Variants in SCAPER observed in about 807,000 individuals in gnomAD.
The protein encoded by SCAPER is S phase cyclin A-associated protein in the endoplasmic reticulum.
In SCAPER, 98 loss-of-function variants were observed where a neutral mutation model predicts 182.2. That is an observed-to-expected ratio of 0.54 (90% CI 0.46 to 0.64). The LOEUF is 0.64. Among genes scored for constraint, SCAPER ranks in the 30% least tolerant of loss-of-function variants. SCAPER has a pLI of 0.00. For synonymous variants in SCAPER, 605 were observed against 564.6 expected (o/e 1.07, Z -1.01); for missense variants, 1,432 against 1,690.0 (o/e 0.85, Z 2.68).
At chr15:76,678,217 G>A (rs2057477220) in intron 20 of SCAPER, among the ~76,000 whole-genome samples, 2 of 151,868 alleles carry the variant, frequency 1.3e-5, no homozygotes, top group African/African-American at 2.4e-5. Flanking sequence ...AAAATTCAAT[G>A]TCTTGCTTAA....
chr15:76,839,890 T>G (rs1354881523), intron 5 of SCAPER, among the ~76,000 whole-genome samples: 1 of 152,196 alleles, frequency 6.6e-6, no homozygotes, highest in Non-Finnish European at 1.5e-5. Context: ...AAAAAGTATA[T>G]ATATTTTTAA....
chr15:76,653,453 A>C (rs970989032), intron 21 of SCAPER, among the ~76,000 whole-genome samples: 10 of 152,188 alleles, frequency 6.6e-5, no homozygotes, highest in African/African-American at 2.4e-4. Context: ...ACACTACCCA[A>C]CTTCAAGCTA....
intron 17 of SCAPER, among the ~76,000 whole-genome samples, chr15:76,728,062 CA>C (rs1337798249): frequency 1.3e-5 from 2 of 152,036 alleles, no homozygotes; most frequent in African/African-American, 4.8e-5. Context: ...AATATCACGT[CA>C]GTAAGGTCAC....
At chr15:76,865,133 T>C (rs1186232581) in intron 2 of SCAPER, among the ~76,000 whole-genome samples, 1 of 152,088 alleles carries the variant, frequency 6.6e-6, no homozygotes, top group Non-Finnish European at 1.5e-5. Flanking sequence ...TTTGACAGTA[T>C]AAAATAAAGT....
chr15:76,583,304 T>A (rs557286483), intron 22 of SCAPER, among the ~76,000 whole-genome samples: 2 of 150,148 alleles, frequency 1.3e-5, no homozygotes, highest in East Asian at 3.9e-4. Flanking sequence ...TGAGTCGAGA[T>A]TGAGCCACTG....
At chr15:76,810,368 A>G (rs1367038145) in intron 5 of SCAPER, among the ~76,000 whole-genome samples, 2 of 152,008 alleles carry the variant, frequency 1.3e-5, no homozygotes, top group Non-Finnish European at 2.9e-5. Flanking sequence ...TGTGGGAGCA[A>G]GAGACATAAA....
At chr15:76,903,612 C>T (rs1030150279) in intron 1 of SCAPER, among the ~76,000 whole-genome samples, 1 of 152,188 alleles carries the variant, frequency 6.6e-6, no homozygotes, top group African/African-American at 2.4e-5. Context: ...TGATCTAGGA[C>T]TTCCCAGCCT....
intron 6 of SCAPER, among the ~76,000 whole-genome samples, chr15:76,801,606 C>T (rs2065798332): frequency 6.6e-6 from 1 of 152,060 alleles, no homozygotes; most frequent in Admixed American, 6.6e-5. Flanking sequence ...AAGAGAAATG[C>T]TGATAACTGG....
At chr15:76,561,827 GTTTT>G (rs34809622) in intron 23 of SCAPER, among the ~76,000 whole-genome samples, 1 of 138,572 alleles carries the variant, frequency 7.2e-6, no homozygotes, top group Non-Finnish European at 1.6e-5. Flanking sequence ...CCTAGTATTA[GTTTT>G]TTTTTTTTTT....
In SCAPER at chr15:76,363,346, C is replaced by T. The variant is rs576502979; in HGVS notation, c.3856-9206G>A. ...ACCACACCAGAGCTCTGGGCCTACC[C>T]ATCCCGGGCCTTCAAGGACTCAGAT... On this transcript the variant is annotated intron_variant, in intron 29 of 31. Coordinates refer to ENST00000563290, the MANE Select transcript of SCAPER (RefSeq NM_020843.4). Among the ~76,000 whole-genome samples the T allele has an allele frequency of 1.4e-4, 21 of 152,328 alleles. No individual in the cohort carries two copies. In the South Asian group the frequency reaches 3.3e-3, roughly 24 times the overall value.
intron 20 of SCAPER, among the ~76,000 whole-genome samples, chr15:76,672,433 T>C (rs984649566): frequency 6.6e-6 from 1 of 152,160 alleles, no homozygotes; most frequent in Non-Finnish European, 1.5e-5. Context: ...AAAATGTAAC[T>C]TTCTATTTCA....
chr15:76,498,016 A>AAT (rs2040750897), intron 24 of SCAPER, among the ~76,000 whole-genome samples: 13 of 149,362 alleles, frequency 8.7e-5, no homozygotes, highest in Non-Finnish European at 1.3e-4. Context: ...AAAAAAAAAA[A>AAT]AAAATAAGCA....
At chr15:76,486,860 T>C (rs2051703546) in intron 24 of SCAPER, among the ~76,000 whole-genome samples, 2 of 152,116 alleles carry the variant, frequency 1.3e-5, no homozygotes, top group Non-Finnish European at 1.5e-5. Context: ...CAAAGGAATA[T>C]AAATTGGTCT....
At chr15:76,675,880 A>G (rs2057342563) in intron 20 of SCAPER, among the ~76,000 whole-genome samples, 3 of 151,586 alleles carry the variant, frequency 2.0e-5, no homozygotes, top group African/African-American at 7.3e-5. Context: ...GCTGGACTGC[A>G]GTGGCGTGAT....
At chr15:76,784,826 T>C (rs929527035) in intron 8 of SCAPER, among the ~76,000 whole-genome samples, 2 of 152,222 alleles carry the variant, frequency 1.3e-5, no homozygotes, top group African/African-American at 4.8e-5. Flanking sequence ...TGGCTCGCCA[T>C]GTGTAGAAAG....
At chr15:76,670,453 A>G (rs141013351) in intron 20 of SCAPER, among the ~76,000 whole-genome samples, 51 of 152,250 alleles carry the variant, frequency 3.3e-4, no homozygotes, top group African/African-American at 1.1e-3. Context: ...ATAATTTTTA[A>G]TTTTTCAATG....
chr15:76,508,488 C>G (rs1199948443), intron 23 of SCAPER, among the ~76,000 whole-genome samples: 1 of 152,144 alleles, frequency 6.6e-6, no homozygotes, highest in Non-Finnish European at 1.5e-5. Flanking sequence ...GGCCAAACAG[C>G]TTTCTAAAAT....
chr15:76,395,252 T>C (rs1218947944), intron 27 of SCAPER, among the ~76,000 whole-genome samples: 1 of 152,242 alleles, frequency 6.6e-6, no homozygotes, highest in Non-Finnish European at 1.5e-5. Context: ...CATCTCCTGA[T>C]GGACACTTAG....
intron 4 of SCAPER, among the ~76,000 whole-genome samples, chr15:76,848,587 G>A (rs1168458020): frequency 6.6e-6 from 1 of 151,902 alleles, no homozygotes; most frequent in Non-Finnish European, 1.5e-5. Context: ...GCCCACCTCG[G>A]CCTCCCAAAG....
Sources: gnomAD v4.1 joint callset for allele counts (sites outside exome capture counted in the v4.1 genomes callset) on GRCh38, gnomAD v4.1.1 for gene constraint, MANE v1.5 for transcripts, NCBI Gene and HGNC (gene_info 2026-07-23, HGNC 2026-07-21) for gene names.